The following ALK variants were observed in gnomAD, a reference collection of about 807,000 sequenced individuals.
The protein encoded by ALK is ALK tyrosine kinase receptor.
Under a neutral mutation model 163.1 loss-of-function variants are expected in ALK, and 74 were observed. That is an observed-to-expected ratio of 0.45 (90% CI 0.38 to 0.55). ALK has a LOEUF of 0.55. Among genes scored for constraint, ALK ranks in the 20% least tolerant of loss-of-function variants. ALK has a pLI of 0.00. For missense variants in ALK, 2,063 were observed against 2,105.3 expected (o/e 0.98, Z 0.39); for synonymous variants, 960 against 843.2 (o/e 1.14, Z -2.40).
chr2:29,831,630 C>G (rs1403640321), intron 1 of ALK, among the ~76,000 whole-genome samples: 2 of 152,132 alleles, frequency 1.3e-5, no homozygotes, highest in East Asian at 1.9e-4. Context: ...CAACTCAAGT[C>G]TGGCCAGTGC....
At chr2:29,542,482 T>C (rs1002396864) in intron 3 of ALK, among the ~76,000 whole-genome samples, 10 of 152,314 alleles carry the variant, frequency 6.6e-5, no homozygotes, top group Admixed American at 5.9e-4. Flanking sequence ...AATTTCTTAG[T>C]GAATCATTGA....
intron 26 of ALK, among the ~76,000 whole-genome samples, chr2:29,205,428 C>G (rs879451826): frequency 2.2e-4 from 34 of 152,178 alleles, no homozygotes; most frequent in Non-Finnish European, 3.8e-4. Flanking sequence ...AACCAACCAA[C>G]CAACCAAACA....
intron 9 of ALK, among the ~76,000 whole-genome samples, chr2:29,294,806 C>G (rs1296129368): frequency 6.6e-6 from 1 of 152,294 alleles, no homozygotes; most frequent in Middle Eastern, 3.4e-3. Flanking sequence ...AGTAAGTGAC[C>G]ATGGCAGTTT....
chr2:29,374,408 A>T (rs1184416142), intron 5 of ALK, among the ~76,000 whole-genome samples: 1 of 152,078 alleles, frequency 6.6e-6, no homozygotes, highest in Non-Finnish European at 1.5e-5. Context: ...TGGAATAAGC[A>T]AACCTTTATT....
chr2:29,809,075 C>T (rs1205318871), intron 1 of ALK, among the ~76,000 whole-genome samples: 3 of 152,176 alleles, frequency 2.0e-5, no homozygotes, highest in Admixed American at 6.5e-5. Context: ...ATTGATGACA[C>T]CAGGTCAGTG....
chr2:29,605,418 G>T (rs1675516856), intron 3 of ALK, among the ~76,000 whole-genome samples: 1 of 152,168 alleles, frequency 6.6e-6, no homozygotes, highest in Non-Finnish European at 1.5e-5. Flanking sequence ...GCCTTAAAAA[G>T]TTATCCCACT....
intron 1 of ALK, among the ~76,000 whole-genome samples, chr2:29,851,362 A>G (rs1665986831): frequency 1.3e-5 from 2 of 152,046 alleles, no homozygotes; most frequent in Admixed American, 6.5e-5. Context: ...CTCCTACCAC[A>G]CTGGACTCAT....
intron 15 of ALK, among the ~76,000 whole-genome samples, chr2:29,231,103 C>T (rs148088925): frequency 0.014 from 2,075 of 152,060 alleles, 50 homozygotes; most frequent in African/African-American, 0.047. Flanking sequence ...TTTGGGAGGC[C>T]GAGGCAGGTG....
intron 1 of ALK, among the ~76,000 whole-genome samples, chr2:29,914,685 A>G (rs1006861367): frequency 1.3e-5 from 2 of 152,234 alleles, no homozygotes; most frequent in African/African-American, 2.4e-5. Flanking sequence ...CTGGGCCTCA[A>G]TGATTTCAAG....
intron 1 of ALK, among the ~76,000 whole-genome samples, chr2:29,864,191 G>A (rs574704929): frequency 1.9e-4 from 29 of 152,272 alleles, no homozygotes; most frequent in African/African-American, 6.3e-4. Flanking sequence ...CTGTGCTCTT[G>A]TCCCTGGCTA....
intron 8 of ALK, among the ~76,000 whole-genome samples, chr2:29,310,065 G>A (rs4289134): frequency 6.6e-6 from 1 of 152,170 alleles, no homozygotes; most frequent in Admixed American, 6.5e-5. Context: ...CAGGTTTTTT[G>A]TTGTTGTTGT....
At chr2:29,680,222 T>TC (rs1167144218) in intron 3 of ALK, among the ~76,000 whole-genome samples, 19 of 152,082 alleles carry the variant, frequency 1.2e-4, no homozygotes, top group Admixed American at 1.2e-3. Flanking sequence ...TTGATTTTTT[T>TC]CACCAAATTT....
At position 29,232,333 on chromosome 2, in the gene ALK, A is replaced by C. The variant is rs55941323; in HGVS notation, c.2603T>G (p.Leu868Arg). The C allele has an allele frequency of 6.2e-7, 1 of 1,614,246 alleles. No individual in the cohort carries two copies. Among genetic ancestry groups the C allele is most frequent in the Non-Finnish European group, 8.5e-7 (1 of 1,180,050 alleles). ...PERLENNSSV[L>R]GLNGNSGAAG... ...GGCTCCGGAATTGCCGTTTAGCCCT[A>C]GAACCGAGGAGTTATTCTCCAGTCT... is the stretch of plus-strand genomic sequence containing the variant. Residue 868 changes from leucine (L) to arginine (R), a missense_variant, in exon 15 of 29, where the codon CTA (leucine) becomes CGA (arginine). By Grantham distance (102) the Leu-to-Arg change is moderately radical (BLOSUM62 -2). Around this residue, in one of 5 missense-constraint regions of ALK, gnomAD observed 575 missense variants for 626.6 expected, o/e 0.92. Transcript: ENST00000389048.
rs201280052 is a variant in ALK, at chr2:29,288,962, ATAAAT to A, written c.1817+7921_1817+7925del. ...GGGAGACTCCTTCTCAAAAAAATAA[ATAAAT>A]AAATAAATAAATAAATAAATAAATA... On this transcript the variant is annotated intron_variant, in intron 9 of 28. Coordinates refer to ENST00000389048, the MANE Select transcript of ALK (RefSeq NM_004304.5). Among the ~76,000 whole-genome samples the A allele has an allele frequency of 2.0e-3, 235 of 119,930 alleles. 22 individuals carry two copies. The highest frequency in any genetic ancestry group is 5.8e-3 in the African/African-American group (179 of 30,990). The allele number at this position is 119,930 out of a possible 152,430, so 78.7% of individuals were successfully genotyped here. A position where few individuals can be genotyped will look rare whatever the true frequency, so the allele number is the denominator to read the frequency against.
At position 29,609,082 on chromosome 2, in the gene ALK, C is replaced by A. The variant is rs563624117; in HGVS notation, c.953-76966G>T. ...GAGATGACAGGCACACACCACCATG[C>A]CTGGCTAAGTTTTGTATTTTTAGTA... On this transcript the variant is annotated intron_variant, in intron 3 of 28. Transcript: ENST00000389048. 2.0e-5 allele frequency among the ~76,000 whole-genome samples: 3 copies of A among 152,128 alleles called. No homozygotes were observed. In the East Asian group the frequency reaches 5.8e-4, roughly 29 times the overall value.
intron 1 of ALK, among the ~76,000 whole-genome samples, chr2:29,781,227 G>A (rs1681323000): frequency 6.6e-6 from 1 of 152,230 alleles, no homozygotes; most frequent in Admixed American, 6.5e-5. Context: ...GGAGGCAGCA[G>A]CTTGTTCCAG....
chr2:29,351,157 G>T (rs1558688450), intron 5 of ALK, among the ~76,000 whole-genome samples: 1 of 152,236 alleles, frequency 6.6e-6, no homozygotes, highest in Non-Finnish European at 1.5e-5. Context: ...GAGTTATATT[G>T]TGGCTTCTAT....
intron 3 of ALK, among the ~76,000 whole-genome samples, chr2:29,649,388 T>G (rs1474712922): frequency 2.0e-4 from 30 of 152,306 alleles, no homozygotes; most frequent in African/African-American, 7.0e-4. Flanking sequence ...TGCTTTCTGT[T>G]AGAACTGCTA....
Position 29,192,896 on chromosome 2 carries a change from G to C in ALK, c.*328C>G. The C allele has an allele frequency of 2.3e-6, 1 of 430,824 alleles. No homozygotes were observed. The allele number at this position is 430,824 out of a possible 1,614,324, so 26.7% of individuals were successfully genotyped here. A position where few individuals can be genotyped will look rare whatever the true frequency, so the allele number is the denominator to read the frequency against. On this transcript the variant is annotated 3_prime_UTR_variant, in exon 29 of 29. Coordinates refer to ENST00000389048, the MANE Select transcript of ALK (RefSeq NM_004304.5). The stretch of plus-strand genomic sequence containing the variant: ...ATGAAACATAGAAGCAGCTAATTCT[G>C]ACTACATTGAAGCAGAGCACACACA...
Sources: allele counts gnomAD v4.1 joint callset (sites outside exome capture counted in the v4.1 genomes callset), GRCh38; gene constraint gnomAD v4.1.1; regional missense constraint gnomAD v4.1.1; transcripts MANE v1.5; gene names NCBI Gene and HGNC (gene_info 2026-07-23, HGNC 2026-07-21).